Variants in TRPV1 observed in about 807,000 individuals in gnomAD.
TRPV1 encodes transient receptor potential cation channel subfamily V member 1.
TRPV1 carries 82 observed loss-of-function variants against 82.3 expected under a neutral mutation model. The observed-to-expected ratio is 1.00, with a 90% CI of 0.83 to 1.20. The LOEUF is 1.20. Ranked by LOEUF, TRPV1 falls within the 50% of genes most tolerant of loss-of-function variation. The probability of loss-of-function intolerance (pLI) is 0.00; values close to 1 mark genes in which losing one functional copy is unlikely to be tolerated. For missense variants in TRPV1, 1,067 were observed against 1,096.8 expected, an observed-to-expected ratio of 0.97 and a Z score of 0.38; for synonymous variants, 515 against 467.7, an observed-to-expected ratio of 1.10 and a Z score of -1.30.
At chr17:3,578,768 A>C (rs1235302153) in intron 11 of TRPV1, 1 of 152,232 alleles carries the variant, frequency 6.6e-6, no homozygotes, top group Non-Finnish European at 1.5e-5. Flanking sequence ...AAAGCATGGA[A>C]TCAATCCAGG....
chr17:3,568,263 A>G (rs1221879130), intron 16 of TRPV1, among the ~76,000 whole-genome samples: 2 of 149,932 alleles, frequency 1.3e-5, no homozygotes, highest in South Asian at 2.2e-4. Flanking sequence ...TGGAGCTTGC[A>G]GTGAGCCAAG....
At chr17:3,587,867 G>C (rs543406346) in intron 8 of TRPV1, among the ~76,000 whole-genome samples, 63 of 150,558 alleles carry the variant, frequency 4.2e-4, no homozygotes, top group Admixed American at 7.3e-4. Context: ...AAAAAAAAAG[G>C]TTGTTGTACA....
chr17:3,600,395 C>A (rs570137618), intron 2 of TRPV1, among the ~76,000 whole-genome samples: 1 of 152,154 alleles, frequency 6.6e-6, no homozygotes, highest in East Asian at 1.9e-4. Flanking sequence ...CAAGACCAGC[C>A]TAGCCAACAT....
At position 3,573,807 on chromosome 17, in the gene TRPV1, G is replaced by A. The variant is rs201875925; in HGVS notation, c.1929C>T (p.Ile643=). 221 of 1,613,838 alleles carry A rather than the reference G, an allele frequency of 1.4e-4. No homozygotes were observed. Among genetic ancestry groups the A allele is most frequent in the African/African-American group, 1.1e-3 (86 of 75,004 alleles). The change falls in exon 14 of 17, where the codon ATC becomes ATT. Residue 643 remains isoleucine, a synonymous_variant. Transcript: ENST00000572705. ...STCLELFKFT[I]GMGDLEFTEN... Reference sequence around the variant, plus strand: ...CAGTGAACTCCAGGTCGCCCATGCCGATGGTGAACTTGAACAGCTCCAGGC... The same window carrying A: ...CAGTGAACTCCAGGTCGCCCATGCCAATGGTGAACTTGAACAGCTCCAGGC...
At chr17:3,567,041 T>G in intron 16 of TRPV1, 54 bp from the exon 17 acceptor site, 1 of 1,589,116 alleles carries the variant, frequency 6.3e-7, no homozygotes, top group Non-Finnish European at 8.6e-7. Flanking sequence ...CATTCACTTC[T>G]TGGCCTCCCA....
At chr17:3,597,482 C>G (rs2075229880) in intron 2 of TRPV1, among the ~76,000 whole-genome samples, 1 of 152,086 alleles carries the variant, frequency 6.6e-6, no homozygotes, top group Admixed American at 6.5e-5. Flanking sequence ...GCATTAGGGA[C>G]TTGTTTTGAG....
chr17:3,584,074 C>G (rs1015246930), intron 9 of TRPV1, among the ~76,000 whole-genome samples: 13 of 151,620 alleles, frequency 8.6e-5, no homozygotes, highest in African/African-American at 2.7e-4. Context: ...AGTTCGAGAC[C>G]AGCCTGACCA....
Position 3,573,693 on chromosome 17 carries a change from G to A in TRPV1, c.2043C>T (p.Ala681=). The change falls in exon 14 of 17, where the codon GCC becomes GCT. Residue 681 remains alanine (A), a synonymous_variant. Transcript: ENST00000572705. ...TYILLLNMLI[A]LMGETVNKIA... ...TCTTGTTGACAGTCTCACCCATGAGGGCGATGAGCATGTTGAGCAGGAGGA... is the reference window on the plus strand; with the variant it reads ...TCTTGTTGACAGTCTCACCCATGAGAGCGATGAGCATGTTGAGCAGGAGGA... The A allele has an allele frequency of 6.2e-7, 1 of 1,614,052 alleles. No individual in the cohort carries two copies. The highest frequency in any genetic ancestry group is 8.5e-7 in the Non-Finnish European group (1 of 1,180,012).
chr17:3,596,609 C>G lies in TRPV1; in HGVS notation c.-33-4226G>C, dbSNP rs563259960. 4.6e-5 allele frequency among the ~76,000 whole-genome samples: 7 copies of G among 152,344 alleles called. No homozygotes were observed. The East Asian group carries it at 1.3e-3, about 29-fold the overall frequency. ...TCAGCAGCAGCTGCAGCCTCCTCCC[C>G]CGAGGACGGCTGATGCAGGAGCAAC... On this transcript the variant is annotated intron_variant, in intron 2 of 16. Coordinates refer to ENST00000572705, the MANE Select transcript of TRPV1 (RefSeq NM_080704.4).
intron 13 of TRPV1, among the ~76,000 whole-genome samples, chr17:3,576,587 G>C (rs57370210): frequency 0.025 from 3,781 of 148,696 alleles, 184 homozygotes; most frequent in African/African-American, 0.089. Context: ...GGGAGGCGGA[G>C]CCTCCAGTGA....
intron 2 of TRPV1, among the ~76,000 whole-genome samples, chr17:3,601,099 T>C (rs1336191839): frequency 6.6e-6 from 1 of 152,036 alleles, no homozygotes; most frequent in Non-Finnish European, 1.5e-5. Flanking sequence ...CAGCAGTCCC[T>C]GCCTGGAAAG....
In TRPV1 at chr17:3,572,224, T is replaced by G; in HGVS notation, c.2129A>C (p.Glu710Ala). 6.2e-7 allele frequency: 1 copy of G among 1,610,522 alleles called. No homozygotes were observed. Among genetic ancestry groups the G allele is most frequent in the Non-Finnish European group, 8.5e-7 (1 of 1,178,486 alleles). The change falls in exon 15 of 17, where the codon GAG becomes GCG. Residue 710 changes from glutamate to alanine, a missense_variant. By Grantham distance (107) the Glu-to-Ala change is moderately radical. Transcript: ENST00000572705. ...LQRAITILDT[E>A]KSFLKCMRKA... ...CCTCATGCACTTAAGGAAGCTCTTCTCCGTGTCCAGGATGGTGATGGCTCT... is the reference window on the plus strand; with the variant it reads ...CCTCATGCACTTAAGGAAGCTCTTCGCCGTGTCCAGGATGGTGATGGCTCT...
chr17:3,601,261 C>T (rs16942458), intron 2 of TRPV1, among the ~76,000 whole-genome samples: 21,211 of 151,944 alleles, frequency 0.14, 4,894 homozygotes, highest in African/African-American at 0.48. Flanking sequence ...GAAGTGCCTC[C>T]TTTCCCTGGT....
intron 11 of TRPV1, 130 bp downstream of exon 11, chr17:3,580,327 T>C: frequency 1.1e-6 from 1 of 927,500 alleles, no homozygotes; most frequent in Non-Finnish European, 1.8e-6. Flanking sequence ...ATTCAGTGCC[T>C]TCCGTCATTC....
At chr17:3,577,507 C>G in intron 12 of TRPV1, 91 bp downstream of exon 12, 3 of 1,446,940 alleles carry the variant, frequency 2.1e-6, no homozygotes, top group East Asian at 2.5e-5. Context: ...CCAGGCACGA[C>G]AGAGAGGATG....
chr17:3,583,433 G>C lies in TRPV1; in HGVS notation c.1384-3C>G, dbSNP rs764497907. On this transcript the variant is annotated splice_region_variant and splice_polypyrimidine_tract_variant and intron_variant, in intron 9 of 16. Transcript: ENST00000572705. ...GTTTTTTCCATCTTAAAGGGAGGCTGTGAGATGCAGAGAAGTTGGTAACTC... is the reference window on the plus strand; with the variant it reads ...GTTTTTTCCATCTTAAAGGGAGGCTCTGAGATGCAGAGAAGTTGGTAACTC... 6.3e-7 allele frequency: 1 copy of C among 1,593,076 alleles called. No individual in the cohort carries two copies. The highest frequency in any genetic ancestry group is 1.1e-5 in the South Asian group (1 of 87,756).
chr17:3,573,440 C>G (rs1473621512), intron 14 of TRPV1, among the ~76,000 whole-genome samples, 193 bp downstream of exon 14: 1 of 152,178 alleles, frequency 6.6e-6, no homozygotes, highest in East Asian at 1.9e-4. Context: ...CCTGGCCGGG[C>G]TTTCTGCTCC....
intron 13 of TRPV1, among the ~76,000 whole-genome samples, chr17:3,576,668 A>AAAAAAAAAAAAATATATATATATATAT: frequency 5.2e-5 from 2 of 38,416 alleles, no homozygotes; most frequent in Non-Finnish European, 5.3e-5. Context: ...AAAAAAAAAA[A>AAAAAAAAAAAAATATATATATATATAT]ATATATATAT....
chr17:3,571,497 C>A (rs201320465), intron 16 of TRPV1, 27 bp downstream of exon 16: 2 of 1,531,114 alleles, frequency 1.3e-6, no homozygotes, highest in Non-Finnish European at 1.8e-6. Context: ...GCCAAGGAGG[C>A]GCCAAGCACC....
Sources: allele counts gnomAD v4.1 joint callset (sites outside exome capture counted in the v4.1 genomes callset), GRCh38; gene constraint gnomAD v4.1.1; transcripts MANE v1.5; gene names NCBI Gene and HGNC (gene_info 2026-07-23, HGNC 2026-07-21).